Variants in SCNN1G observed in about 807,000 individuals in gnomAD.
The protein encoded by SCNN1G is epithelial sodium channel subunit gamma.
SCNN1G carries 27 observed loss-of-function variants against 64.6 expected under a neutral mutation model. The ratio of observed to expected loss-of-function variants is 0.42; its 90% CI spans 0.31 to 0.58. The LOEUF (loss-of-function observed/expected upper bound fraction) is 0.58, where lower values mean the gene tolerates loss of function less well. Ranked by LOEUF, SCNN1G falls within the 20% of genes least tolerant of loss-of-function variation. SCNN1G has a pLI of 0.18. For missense variants in SCNN1G, 743 were observed against 823.4 expected, an observed-to-expected ratio of 0.90 and a Z score of 1.19; for synonymous variants, 330 against 314.2, an observed-to-expected ratio of 1.05 and a Z score of -0.53.
At chr16:23,188,408 A>G (rs1047365599) in intron 2 of SCNN1G, among the ~76,000 whole-genome samples, 1 of 152,082 alleles carries the variant, frequency 6.6e-6, no homozygotes, top group Non-Finnish European at 1.5e-5. Context: ...GCAACTTAGG[A>G]GGCTGAAGTG....
intron 2 of SCNN1G, among the ~76,000 whole-genome samples, chr16:23,186,875 G>A (rs893159780): frequency 2.6e-5 from 4 of 151,776 alleles, no homozygotes; most frequent in South Asian, 2.1e-4. Flanking sequence ...GCAGTGGTGC[G>A]ATCTCGGCTC....
At chr16:23,208,195 T>C (rs1041613760) in intron 6 of SCNN1G, among the ~76,000 whole-genome samples, 4 of 152,210 alleles carry the variant, frequency 2.6e-5, no homozygotes, top group East Asian at 1.9e-4. Flanking sequence ...TAAAACATCA[T>C]TGAAGCCAGG....
rs536000376 is a variant in SCNN1G, at chr16:23,209,023, A to T, written c.1078-727A>T. ...GGCATGATTTGGCCTCAACCTCCCC[A>T]TCTGACTTTATCTCCAGCAATTTCT... On this transcript the variant is annotated intron_variant, in intron 6 of 12. Transcript: ENST00000300061. 2.0e-5 allele frequency among the ~76,000 whole-genome samples: 3 copies of T among 152,190 alleles called. No homozygotes were observed. The South Asian group carries it at 6.2e-4, about 32-fold the overall frequency.
At chr16:23,190,554 G>A (rs1393693208) in intron 3 of SCNN1G, among the ~76,000 whole-genome samples, 1 of 152,146 alleles carries the variant, frequency 6.6e-6, no homozygotes, top group Non-Finnish European at 1.5e-5. Context: ...TGTTGTTAAT[G>A]CTTAAGAGTC....
intron 6 of SCNN1G, among the ~76,000 whole-genome samples, chr16:23,209,221 G>C (rs1329867277): frequency 6.6e-6 from 1 of 151,980 alleles, no homozygotes; most frequent in African/African-American, 2.4e-5. Flanking sequence ...TTGACCTCCT[G>C]GGCTCAAGTG....
At chr16:23,196,813 G>C (rs1486251765) in intron 5 of SCNN1G, among the ~76,000 whole-genome samples, 1 of 152,092 alleles carries the variant, frequency 6.6e-6, no homozygotes, top group Non-Finnish European at 1.5e-5. Flanking sequence ...GCAAGAGCAG[G>C]AGTGGGAGGA....
chr16:23,214,549 T>C (rs1004789665), intron 11 of SCNN1G, among the ~76,000 whole-genome samples, 163 bp from the exon 12 acceptor site: 1 of 152,206 alleles, frequency 6.6e-6, no homozygotes, highest in Non-Finnish European at 1.5e-5. Flanking sequence ...GGAGATATGC[T>C]CTGGGGTGTA....
chr16:23,205,881 C>T (rs184742036), intron 6 of SCNN1G, among the ~76,000 whole-genome samples: 4 of 152,248 alleles, frequency 2.6e-5, no homozygotes, highest in Admixed American at 1.3e-4. Flanking sequence ...CCCCCACCCA[C>T]CCCCAGAGCC....
chr16:23,212,788 C>G, intron 9 of SCNN1G, 32 bp downstream of exon 9: 1 of 1,613,528 alleles, frequency 6.2e-7, no homozygotes, highest in Non-Finnish European at 8.5e-7. Flanking sequence ...AGACGGGTGG[C>G]TGGGTTGGGT....
chr16:23,204,312 T>TAC (rs1567267055), intron 6 of SCNN1G, among the ~76,000 whole-genome samples: 2 of 79,890 alleles, frequency 2.5e-5, no homozygotes, highest in South Asian at 5.2e-4. Flanking sequence ...TATATATATA[T>TAC]ATATATATAT....
At position 23,187,135 on chromosome 16, in the gene SCNN1G, G is replaced by T. The variant is rs572293657; in HGVS notation, c.317+547G>T. ...TTTTTTTTTTTTTTTTGGAGGCAGG[G>T]TCTCACTCTGTCACCCAAGCTGGAG... is the stretch of plus-strand genomic sequence containing the variant. On this transcript the variant is annotated intron_variant, in intron 2 of 12. Coordinates refer to ENST00000300061, the MANE Select transcript of SCNN1G (RefSeq NM_001039.4). 4.1e-3 allele frequency among the ~76,000 whole-genome samples: 602 copies of T among 147,692 alleles called. 1 individual carries two copies. The highest frequency in any genetic ancestry group is 0.014 in the African/African-American group (567 of 39,804).
chr16:23,203,350 G>T (rs1458314663), intron 6 of SCNN1G, among the ~76,000 whole-genome samples: 1 of 152,128 alleles, frequency 6.6e-6, no homozygotes, highest in Non-Finnish European at 1.5e-5. Flanking sequence ...TCACCCAGTG[G>T]GGTTGGGGAC....
chr16:23,206,647 T>C (rs979760342), intron 6 of SCNN1G, among the ~76,000 whole-genome samples: 1 of 152,094 alleles, frequency 6.6e-6, no homozygotes, highest in Non-Finnish European at 1.5e-5. Context: ...AGGACTCCTA[T>C]ACAATTGTCT....
Position 23,209,773 on chromosome 16 carries a change from G to A in SCNN1G, c.1101G>A (p.Glu367=). The change falls in exon 7 of 13, where the codon GAG becomes GAA. Residue 367 remains glutamate, a synonymous_variant. Coordinates refer to ENST00000300061, the MANE Select transcript of SCNN1G (RefSeq NM_001039.4). ...MHLTESFKLS[E]PYSQCTEDGS... ...AGACAGAGTCCTTCAAGCTGAGTGA[G>A]CCCTACAGTCAGTGCACGGAGGACG... 1 of 1,613,904 alleles carries A rather than the reference G, an allele frequency of 6.2e-7. No individual in the cohort carries two copies. Among genetic ancestry groups the A allele is most frequent in the Admixed American group, 1.7e-5 (1 of 60,022 alleles).
intron 2 of SCNN1G, among the ~76,000 whole-genome samples, chr16:23,188,058 A>T (rs1567262245): frequency 6.6e-6 from 1 of 151,636 alleles, no homozygotes; most frequent in East Asian, 1.9e-4. Context: ...CTTTCCATCC[A>T]TTATTTGTTC....
chr16:23,186,370 C>T lies in SCNN1G; in HGVS notation c.99C>T (p.Cys33=), dbSNP rs1235364052. The T allele has an allele frequency of 6.2e-7, 1 of 1,614,228 alleles. No individual in the cohort carries two copies. Among genetic ancestry groups the T allele is most frequent in the South Asian group, 1.1e-5 (1 of 91,092 alleles). The change falls in exon 2 of 13, where the codon TGC becomes TGT. Residue 33 remains cysteine (C), a synonymous_variant. Transcript: ENST00000300061. ...PTIKELMRWY[C]LNTNTHGCRR... is the part of the protein sequence containing the mutation. ...TTAAAGAGCTGATGCGGTGGTACTGCCTCAACACCAACACCCATGGCTGTC... is the reference window on the plus strand; with the variant it reads ...TTAAAGAGCTGATGCGGTGGTACTGTCTCAACACCAACACCCATGGCTGTC...
chr16:23,203,480 G>A (rs748977190), intron 6 of SCNN1G, among the ~76,000 whole-genome samples: 10 of 152,018 alleles, frequency 6.6e-5, no homozygotes, highest in East Asian at 3.9e-4. Flanking sequence ...GGGATTAAGC[G>A]CTCTGATGGG....
In SCNN1G at chr16:23,189,500, A is replaced by G; in HGVS notation, c.447A>G (p.Gly149=). The part of the protein sequence containing the change: ...EAESWNSVSE[G]KQPRFSHRIP... ...AGTCCTGGAACTCCGTCTCAGAGGG[A>G]AAGCAGCCTAGATTCTCCCACCGGA... Residue 149 remains glycine, a synonymous_variant, in exon 3 of 13, where the codon GGA becomes GGG. Transcript: ENST00000300061. 6.2e-7 allele frequency: 1 copy of G among 1,614,186 alleles called. No homozygotes were observed. The highest frequency in any genetic ancestry group is 8.5e-7 in the Non-Finnish European group (1 of 1,180,036).
intron 11 of SCNN1G, 63 bp downstream of exon 11, chr16:23,213,226 C>G: frequency 1.9e-6 from 2 of 1,079,366 alleles, no homozygotes; most frequent in Non-Finnish European, 2.9e-6. Flanking sequence ...TTCTCACTTG[C>G]TTCTGTATGT....
Sources: gnomAD v4.1 joint callset for allele counts (sites outside exome capture counted in the v4.1 genomes callset) on GRCh38, gnomAD v4.1.1 for gene constraint, MANE v1.5 for transcripts, NCBI Gene and HGNC (gene_info 2026-07-23, HGNC 2026-07-21) for gene names.